Variants in BAIAP2 observed in about 807,000 individuals in gnomAD.
BAIAP2 encodes the protein BAR/IMD domain-containing adapter protein 2.
A neutral mutation model predicts 63.0 loss-of-function variants in BAIAP2; 18 were observed. The observed-to-expected ratio is 0.29, with a 90% CI of 0.20 to 0.42. The LOEUF is 0.42. Ranked by LOEUF, BAIAP2 falls within the 10% of genes least tolerant of loss-of-function variation. The pLI is 1.00. For missense variants in BAIAP2, 610 were observed against 734.3 expected, an observed-to-expected ratio of 0.83 and a Z score of 1.96; for synonymous variants, 386 against 307.6, an observed-to-expected ratio of 1.25 and a Z score of -2.67.
intron 1 of BAIAP2, among the ~76,000 whole-genome samples, chr17:81,040,040 C>T (rs984196916): frequency 6.6e-6 from 1 of 151,660 alleles, no homozygotes; most frequent in East Asian, 2.0e-4. Context: ...CCTTGCATGG[C>T]CCTCTCTGCC....
Position 81,104,828 on chromosome 17 carries a change from G to A in BAIAP2, c.1268+113G>A, listed in dbSNP as rs536555601. On this transcript the variant is annotated intron_variant, in intron 10 of 13. Transcript: ENST00000428708. ...TGTTTAGAGTGGCTGTGCAGGTTGC[G>A]GGTCCTCGCCGTAGAAGACCTGGGC... The A allele has an allele frequency of 3.5e-5, 41 of 1,171,418 alleles. 1 individual carries two copies. In the South Asian group the frequency reaches 5.6e-4, roughly 16 times the overall value. 72.6% of individuals were successfully genotyped at this position (1,171,418 alleles called of 1,614,324 possible).
At chr17:81,097,823 C>T (rs559760447) in intron 6 of BAIAP2, 12 of 304,714 alleles carry the variant, frequency 3.9e-5, no homozygotes, top group African/African-American at 1.9e-4. Flanking sequence ...CTGGGTGTGT[C>T]CCTGGGGACA....
At chr17:81,037,577 T>C (rs142013202) in intron 1 of BAIAP2, among the ~76,000 whole-genome samples, 1,727 of 152,352 alleles carry the variant, frequency 0.011, 14 homozygotes, top group Non-Finnish European at 0.018. Flanking sequence ...TGTGCACTCC[T>C]GGGCCGGTCC....
At chr17:81,061,407 C>T (rs970539813) in intron 3 of BAIAP2, among the ~76,000 whole-genome samples, 2 of 151,898 alleles carry the variant, frequency 1.3e-5, no homozygotes, top group Non-Finnish European at 2.9e-5. Flanking sequence ...TGAACTTGTC[C>T]GTCTCTCGAA....
intron 6 of BAIAP2, among the ~76,000 whole-genome samples, chr17:81,093,812 C>T (rs1426758471): frequency 6.6e-6 from 1 of 152,184 alleles, no homozygotes; most frequent in East Asian, 1.9e-4. Flanking sequence ...TTCAGATCTT[C>T]AGAGAAGATA....
intron 13 of BAIAP2, among the ~76,000 whole-genome samples, chr17:81,113,496 CG>C (rs1002858505): frequency 6.6e-6 from 1 of 152,266 alleles, no homozygotes; most frequent in Admixed American, 6.5e-5. Context: ...CTCCTGGGCG[CG>C]TCTTTCCCAG....
chr17:81,050,419 C>A (rs1241840251), intron 1 of BAIAP2, among the ~76,000 whole-genome samples: 1 of 152,200 alleles, frequency 6.6e-6, no homozygotes, highest in Non-Finnish European at 1.5e-5. Flanking sequence ...GGAAGCGAAA[C>A]CTTGGTGCTG....
At chr17:81,044,431 A>G (rs7503610) in intron 1 of BAIAP2, among the ~76,000 whole-genome samples, 7,917 of 152,204 alleles carry the variant, frequency 0.052, 315 homozygotes, top group Admixed American at 0.12. Flanking sequence ...GCTCGTCCCT[A>G]TGTTATCTGT....
In BAIAP2 at chr17:81,116,460, C is replaced by CAGG; in HGVS notation, c.*622_*624dup. ...CTCCCCAGGCCCCTCCTGCCTCGGG[C>CAGG]AGGCCCCAGCCCTCCTCCTTACCCA... is the stretch of plus-strand genomic sequence containing the variant. On this transcript the variant is annotated 3_prime_UTR_variant, in exon 14 of 14. Coordinates refer to ENST00000428708, the MANE Select transcript of BAIAP2 (RefSeq NM_001144888.2). 2.0e-6 allele frequency: 2 copies of CAGG among 985,692 alleles called. No individual in the cohort carries two copies. The highest frequency in any genetic ancestry group is 2.9e-6 in the Non-Finnish European group (2 of 682,002). The allele number at this position is 985,692 out of a possible 1,614,324, so 61.1% of individuals were successfully genotyped here.
At chr17:81,073,199 A>G (rs2144866477) in intron 3 of BAIAP2, among the ~76,000 whole-genome samples, 1 of 152,172 alleles carries the variant, frequency 6.6e-6, no homozygotes, top group South Asian at 2.1e-4. Context: ...CTCCTCAGAG[A>G]TCGAAGCCTC....
chr17:81,106,181 C>A, intron 11 of BAIAP2, 35 bp downstream of exon 11: 1 of 1,552,364 alleles, frequency 6.4e-7, no homozygotes, highest in East Asian at 2.4e-5. Flanking sequence ...GTAAGATCCC[C>A]AGCTCGGGAG....
At chr17:81,070,697 CCT>C (rs947253243) in intron 3 of BAIAP2, among the ~76,000 whole-genome samples, 3 of 152,186 alleles carry the variant, frequency 2.0e-5, no homozygotes, top group Non-Finnish European at 4.4e-5. Context: ...CATCTCCACC[CCT>C]GTGTGTCACG....
intron 1 of BAIAP2, among the ~76,000 whole-genome samples, chr17:81,038,848 C>T (rs1258322070): frequency 1.3e-5 from 2 of 151,518 alleles, no homozygotes; most frequent in Non-Finnish European, 3.0e-5. Context: ...TGGTCTCTGA[C>T]AGGCACCTCC....
rs115976142 is a variant in BAIAP2, at chr17:81,115,880, G to T, written c.*41G>T. 6.2e-7 allele frequency: 1 copy of T among 1,610,312 alleles called. No individual in the cohort carries two copies. Among genetic ancestry groups the T allele is most frequent in the Non-Finnish European group, 8.5e-7 (1 of 1,178,836 alleles). On this transcript the variant is annotated 3_prime_UTR_variant, in exon 14 of 14. Transcript: ENST00000428708. Reference sequence around the variant, plus strand: ...TGCTGCCCATCTGGTGGCTTCCCCCGCCCTTCCCATGTAGCCTGTTCTGTC... The same window carrying T: ...TGCTGCCCATCTGGTGGCTTCCCCCTCCCTTCCCATGTAGCCTGTTCTGTC...
intron 1 of BAIAP2, among the ~76,000 whole-genome samples, chr17:81,052,832 C>A (rs773484864): frequency 6.6e-6 from 1 of 152,126 alleles, no homozygotes; most frequent in Non-Finnish European, 1.5e-5. Flanking sequence ...CAGGGCTGGG[C>A]GGCTTCCCTT....
In BAIAP2 at chr17:81,052,876, A is replaced by C. The variant is rs577756806; in HGVS notation, c.55-792A>C. Among the ~76,000 whole-genome samples the C allele has an allele frequency of 6.6e-5, 10 of 152,246 alleles. No individual in the cohort carries two copies. The East Asian group carries it at 1.7e-3, about 27-fold the overall frequency. On this transcript the variant is annotated intron_variant, in intron 1 of 13. Coordinates refer to ENST00000428708, the MANE Select transcript of BAIAP2 (RefSeq NM_001144888.2). ...CCTCAGGAAAGATCAGGATCACATC[A>C]TAACAAATGACCGGAAGACACGGGA...
chr17:81,112,571 C>G (rs922622715), intron 13 of BAIAP2, among the ~76,000 whole-genome samples: 1 of 152,240 alleles, frequency 6.6e-6, no homozygotes, highest in Admixed American at 6.5e-5. Context: ...CCCAAGCGCC[C>G]ACGCTGGACC....
intron 1 of BAIAP2, among the ~76,000 whole-genome samples, chr17:81,038,547 C>T (rs4969355): frequency 0.11 from 16,430 of 152,302 alleles, 1,026 homozygotes; most frequent in East Asian, 0.29. Flanking sequence ...TGGCTGGTCA[C>T]TCTAGCAGCT....
At chr17:81,047,523 T>A (rs2047994616) in intron 1 of BAIAP2, among the ~76,000 whole-genome samples, 1 of 152,084 alleles carries the variant, frequency 6.6e-6, no homozygotes, top group South Asian at 2.1e-4. Context: ...CACGCATGAG[T>A]GCACATGCAC....
Sources: gnomAD v4.1 joint callset for allele counts (sites outside exome capture counted in the v4.1 genomes callset) on GRCh38, gnomAD v4.1.1 for gene constraint, MANE v1.5 for transcripts, NCBI Gene and HGNC (gene_info 2026-07-23, HGNC 2026-07-21) for gene names.